POGZ: variants seen among roughly 807,000 people sequenced by gnomAD.
POGZ encodes pogo transposable element derived with ZNF domain, also known as pogo transposable element with ZNF domain.
A neutral mutation model predicts 134.6 loss-of-function variants in POGZ; 17 were observed. The observed-to-expected ratio is 0.13, with a 90% CI of 0.09 to 0.19. The LOEUF (loss-of-function observed/expected upper bound fraction) is 0.19. Among genes scored for constraint, POGZ ranks in the 10% least tolerant of loss-of-function variants. The pLI, the probability that POGZ is intolerant of heterozygous loss-of-function variation, is 1.00. For missense variants in POGZ, 1,306 were observed against 1,769.7 expected, an observed-to-expected ratio of 0.74 and a Z score of 4.70; for synonymous variants, 693 against 657.1, an observed-to-expected ratio of 1.05 and a Z score of -0.84.
intron 10 of POGZ, among the ~76,000 whole-genome samples, chr1:151,415,716 G>A (rs950347433): frequency 3.4e-5 from 5 of 145,644 alleles, no homozygotes; most frequent in African/African-American, 1.3e-4. Context: ...TGTACCTTAA[G>A]ATAGCCACTA....
At chr1:151,423,328 C>T in intron 10 of POGZ, 69 bp downstream of exon 10, 1 of 1,298,224 alleles carries the variant, frequency 7.7e-7, no homozygotes, top group Non-Finnish European at 1.1e-6. Context: ...TAATGGGCTC[C>T]CCCCAGCGCC....
At chr1:151,444,383 C>A (rs1011208454) in intron 1 of POGZ, among the ~76,000 whole-genome samples, 1 of 152,214 alleles carries the variant, frequency 6.6e-6, no homozygotes, top group East Asian at 1.9e-4. Context: ...AATTCCACTA[C>A]AAAATATATT....
rs115183610 is a variant in POGZ at position 151,447,460 on chromosome 1, T to C, written c.-1-5255A>G. Among the ~76,000 whole-genome samples, 1,300 of 152,012 alleles carry C rather than the reference T, an allele frequency of 8.6e-3. 8 individuals carry two copies. Among genetic ancestry groups the C allele is most frequent in the Non-Finnish European group, 0.015 (988 of 68,006 alleles). ...ATCTAGTCATTATCCCAATTTCTTT[T>C]TTCTCTTCTTTTTTTGTGAGATGTG... On this transcript the variant is annotated intron_variant, in intron 1 of 18. Transcript: ENST00000271715.
chr1:151,409,230 T>C (rs1426354659), intron 12 of POGZ, among the ~76,000 whole-genome samples: 1 of 151,908 alleles, frequency 6.6e-6, no homozygotes, highest in African/African-American at 2.4e-5. Flanking sequence ...TACTTTTTTT[T>C]CTATACTCTT....
At chr1:151,408,319 T>C in intron 14 of POGZ, 79 bp from the exon 15 acceptor site, 1 of 1,574,448 alleles carries the variant, frequency 6.4e-7, no homozygotes, top group Non-Finnish European at 8.6e-7. Context: ...CAACAAACCC[T>C]GCTAAAAAGC....
intron 3 of POGZ, among the ~76,000 whole-genome samples, chr1:151,436,867 T>A (rs1346783672): frequency 6.6e-6 from 1 of 152,034 alleles, no homozygotes. Flanking sequence ...CAGCTAGGAG[T>A]AGAACTGCTG....
chr1:151,413,103 CTTTTTTTTTTTTT>C (rs34480197), intron 10 of POGZ, among the ~76,000 whole-genome samples: 17 of 92,880 alleles, frequency 1.8e-4, no homozygotes, highest in Non-Finnish European at 3.4e-4. Flanking sequence ...CGTGCCTGGG[CTTTTTTTTTTTTT>C]TTTTTTTTTA....
chr1:151,420,492 T>C (rs1019292482), intron 10 of POGZ, among the ~76,000 whole-genome samples: 3 of 152,134 alleles, frequency 2.0e-5, no homozygotes, highest in Non-Finnish European at 2.9e-5. Flanking sequence ...TTTGTATTTT[T>C]TTTGTAGAGA....
chr1:151,403,270 A>ACCAC lies in POGZ; in HGVS notation c.*1528_*1531dup. 1 of 985,812 alleles carries ACCAC rather than the reference A, an allele frequency of 1.0e-6. No homozygotes were observed. The highest frequency in any genetic ancestry group is 1.2e-6 in the Non-Finnish European group (1 of 829,912). The allele number at this position is 985,812 out of a possible 1,614,324, so 61.1% of individuals were successfully genotyped here. A position where few individuals can be genotyped will look rare whatever the true frequency, so the allele number is the denominator to read the frequency against. On this transcript the variant is annotated 3_prime_UTR_variant, in exon 19 of 19. Coordinates refer to ENST00000271715, the MANE Select transcript of POGZ (RefSeq NM_015100.4). Reference sequence around the variant, plus strand: ...GGGTGGTAACAAATGTCACACCTGTACCACCAGGCCCATCACATCTTGAGC... The same window carrying ACCAC: ...GGGTGGTAACAAATGTCACACCTGTACCACCCACCAGGCCCATCACATCTTGAGC...
rs1654019647 is a variant in POGZ at position 151,408,206 on chromosome 1, T to G, written c.2269A>C (p.Ser757Arg). The G allele has an allele frequency of 6.2e-7, 1 of 1,612,508 alleles. No individual in the cohort carries two copies. Among genetic ancestry groups the G allele is most frequent in the African/African-American group, 1.3e-5 (1 of 74,396 alleles). The stretch of plus-strand genomic sequence containing the variant: ...TTAGGGAAGTCTGGGATCTCGAAGC[T>G]GCACTCCAGGCATGTCTGCCGGCCC... ...VMGRQTCLEC[S>R]FEIPDFPNHF... Residue 757 changes from serine to arginine, a missense_variant, in exon 15 of 19, where the codon AGC becomes CGC. Around this residue, in one of 10 missense-constraint regions of POGZ, gnomAD observed 34 missense variants for 95.5 expected, o/e 0.36. Coordinates refer to ENST00000271715, the MANE Select transcript of POGZ (RefSeq NM_015100.4).
chr1:151,421,083 T>C (rs1656825456), intron 10 of POGZ, among the ~76,000 whole-genome samples: 1 of 151,116 alleles, frequency 6.6e-6, no homozygotes, highest in South Asian at 2.1e-4. Flanking sequence ...AAAGGATAAT[T>C]ATAACAATAT....
At chr1:151,413,823 GT>G (rs1328657055) in intron 10 of POGZ, among the ~76,000 whole-genome samples, 1 of 152,052 alleles carries the variant, frequency 6.6e-6, no homozygotes, top group African/African-American at 2.4e-5. Context: ...AGAATTACAG[GT>G]ATGAGCCACT....
At chr1:151,420,920 G>A (rs57098736) in intron 10 of POGZ, among the ~76,000 whole-genome samples, 2,589 of 150,722 alleles carry the variant, frequency 0.017, 89 homozygotes, top group African/African-American at 0.06. Context: ...GGAAATATAC[G>A]TTCCAAGACC....
intron 7 of POGZ, chr1:151,427,527 A>T (rs1657979947): frequency 5.9e-6 from 2 of 341,824 alleles, no homozygotes; most frequent in South Asian, 6.0e-5. Context: ...TCCTAACTTT[A>T]AAACCTTGCT....
chr1:151,413,838 C>T (rs1002796169), intron 10 of POGZ, among the ~76,000 whole-genome samples: 1 of 152,056 alleles, frequency 6.6e-6, no homozygotes, highest in African/African-American at 2.4e-5. Flanking sequence ...AGCCACTGTG[C>T]CTAGCCAAGT....
intron 12 of POGZ, among the ~76,000 whole-genome samples, chr1:151,410,895 C>G (rs1293552862): frequency 6.6e-6 from 1 of 152,208 alleles, no homozygotes; most frequent in Non-Finnish European, 1.5e-5. Flanking sequence ...TAATCCATCT[C>G]TACATCATAA....
At position 151,404,024 on chromosome 1, in the gene POGZ, CA is replaced by C; in HGVS notation, c.*777del. The C allele has an allele frequency of 1.0e-6, 1 of 985,162 alleles. No homozygotes were observed. The highest frequency in any genetic ancestry group is 1.2e-6 in the Non-Finnish European group (1 of 829,778). 61.0% of individuals were successfully genotyped at this position (985,162 alleles called of 1,614,324 possible). ...GGAAAGGGGCCAAGGATCACAAGTG[CA>C]AAAAATATTGTTTATGTCATGTTTT... is the stretch of plus-strand genomic sequence containing the variant. On this transcript the variant is annotated 3_prime_UTR_variant, in exon 19 of 19. Transcript: ENST00000271715.
At chr1:151,453,865 A>G (rs1662448714) in intron 1 of POGZ, among the ~76,000 whole-genome samples, 1 of 152,238 alleles carries the variant, frequency 6.6e-6, no homozygotes, top group African/African-American at 2.4e-5. Context: ...AGGCAAGATA[A>G]AAACAGACCT....
In POGZ at chr1:151,405,382, G is replaced by T; in HGVS notation, c.3653C>A (p.Ala1218Asp). The T allele has an allele frequency of 6.2e-7, 1 of 1,614,068 alleles. No homozygotes were observed. The highest frequency in any genetic ancestry group is 2.2e-5 in the East Asian group (1 of 44,892). ...AAGCATGCCTTTGCTGCGCTGGCAA[G>T]CTGTGTGCTTCTGCCACACTCGAGT... Reference protein sequence around the residue: ...WSTRVWQKHTACQRSKGMLVM... With the variant: ...WSTRVWQKHTDCQRSKGMLVM... The change falls in exon 19 of 19, where the codon GCT becomes GAT. Residue 1218 changes from alanine to aspartate, a missense_variant. This residue lies in a region of POGZ where 161 missense variants were observed against 185.4 expected (regional missense o/e 0.87). Coordinates refer to ENST00000271715, the MANE Select transcript of POGZ (RefSeq NM_015100.4). The surrounding 1 kb of genome is among the most constrained non-coding windows in gnomAD (Gnocchi z 4.9).
Sources: allele counts gnomAD v4.1 joint callset (sites outside exome capture counted in the v4.1 genomes callset), GRCh38; gene constraint gnomAD v4.1.1; regional missense constraint gnomAD v4.1.1; non-coding constraint Gnocchi (gnomAD v3.1); transcripts MANE v1.5; gene names NCBI Gene and HGNC (gene_info 2026-07-23, HGNC 2026-07-21).